The following CECR2 variants were observed in gnomAD, a reference collection of about 807,000 sequenced individuals.
CECR2 encodes CECR2 histone acetyl-lysine reader.
In CECR2, 30 loss-of-function variants were observed where a neutral mutation model predicts 154.5. That is an observed-to-expected ratio of 0.19 (90% CI 0.15 to 0.26). The LOEUF is 0.26. Ranked by LOEUF, CECR2 falls within the 10% of genes least tolerant of loss-of-function variation. CECR2 has a pLI of 1.00. For synonymous variants in CECR2, 725 were observed against 683.7 expected, an observed-to-expected ratio of 1.06 and a Z score of -0.94; for missense variants, 1,743 against 1,829.3, an observed-to-expected ratio of 0.95 and a Z score of 0.86.
At chr22:17,503,989 G>C (rs2055786740) in intron 6 of CECR2, among the ~76,000 whole-genome samples, 1 of 152,014 alleles carries the variant, frequency 6.6e-6, no homozygotes. Flanking sequence ...GGAGGCTGCA[G>C]TGAGCTGAGA....
chr22:17,486,953 A>G (rs1228414360), intron 2 of CECR2, among the ~76,000 whole-genome samples: 1 of 151,870 alleles, frequency 6.6e-6, no homozygotes, highest in East Asian at 1.9e-4. Context: ...CATGCTGTGC[A>G]AGTTCTGGGT....
intron 1 of CECR2, among the ~76,000 whole-genome samples, chr22:17,378,272 C>T (rs1395001841): frequency 6.1e-5 from 9 of 148,446 alleles, no homozygotes; most frequent in Middle Eastern, 7.0e-3. Context: ...TGTGAGCCAC[C>T]GCGCTGGGCT....
Position 17,390,756 on chromosome 22 carries a change from G to T in CECR2, c.126+20847G>T, listed in dbSNP as rs28649146. 5.7e-3 allele frequency among the ~76,000 whole-genome samples: 863 copies of T among 152,110 alleles called. 7 individuals are homozygous for T. Among genetic ancestry groups the T allele is most frequent in the Middle Eastern group, 0.02 (6 of 294 alleles). ...GTCCCAAAGTGCTTGAATGACAGGCGTGAGCCACCACTCCTGACCCAAAAC... is the reference window on the plus strand; with the variant it reads ...GTCCCAAAGTGCTTGAATGACAGGCTTGAGCCACCACTCCTGACCCAAAAC... On this transcript the variant is annotated intron_variant, in intron 1 of 18. Transcript: ENST00000262608.
At chr22:17,543,301 T>G (rs1166525947) in intron 16 of CECR2, among the ~76,000 whole-genome samples, 1 of 151,718 alleles carries the variant, frequency 6.6e-6, no homozygotes, top group African/African-American at 2.4e-5. Context: ...CCCGGCTAAT[T>G]TTTTTGGTAT....
In CECR2 at chr22:17,474,022, T is replaced by C. The variant is rs1601417085; in HGVS notation, c.127-3566T>C. ...TGGTGAGACCAGGGCTTGTATTTAC[T>C]GTGCCTTGGTTTATCCATTTGGTAC... On this transcript the variant is annotated intron_variant, in intron 1 of 18. Coordinates refer to ENST00000262608, the MANE Select transcript of CECR2 (RefSeq NM_001290047.2). Among the ~76,000 whole-genome samples the C allele has an allele frequency of 2.0e-5, 3 of 152,326 alleles. 1 individual carries two copies. In the Middle Eastern group the frequency reaches 0.01, roughly 518 times the overall value.
intron 8 of CECR2, among the ~76,000 whole-genome samples, chr22:17,521,944 G>A (rs1321033222): frequency 6.6e-6 from 1 of 152,142 alleles, no homozygotes; most frequent in East Asian, 1.9e-4. Flanking sequence ...TATAAGGAAG[G>A]GATCCAGTTT....
In CECR2 at chr22:17,398,203, TG is replaced by T. The variant is rs34625113; in HGVS notation, c.126+28303del. 8.5e-3 allele frequency among the ~76,000 whole-genome samples: 1,258 copies of T among 148,678 alleles called. 15 individuals carry two copies. The highest frequency in any genetic ancestry group is 0.027 in the African/African-American group (1,079 of 40,368). On this transcript the variant is annotated intron_variant, in intron 1 of 18. Transcript: ENST00000262608. ...TTAATTGCATTTTGGTATAACAAAG[TG>T]GGGGGGGGTATTATAAAATATAAAA...
intron 2 of CECR2, among the ~76,000 whole-genome samples, chr22:17,496,724 C>T (rs1271240502): frequency 1.3e-5 from 2 of 152,160 alleles, no homozygotes; most frequent in Admixed American, 6.5e-5. Context: ...AAGTCATGAA[C>T]CCAACTTTGT....
At position 17,552,997 on chromosome 22, in the gene CECR2, C is replaced by T; in HGVS notation, c.*157C>T. 1.4e-6 allele frequency: 2 copies of T among 1,452,288 alleles called. No homozygotes were observed. Among genetic ancestry groups the T allele is most frequent in the East Asian group, 2.5e-5 (1 of 39,678 alleles). 90.0% of individuals were successfully genotyped at this position (1,452,288 alleles called of 1,614,324 possible). ...TACTTGAGCTGGAGCCAGTCACGGG[C>T]CCTAAAAGGACACTCCTTAGATGAC... On this transcript the variant is annotated 3_prime_UTR_variant, in exon 19 of 19. Transcript: ENST00000262608.
chr22:17,422,759 G>T (rs1226143119), intron 1 of CECR2, among the ~76,000 whole-genome samples: 2 of 151,240 alleles, frequency 1.3e-5, no homozygotes, highest in Admixed American at 6.6e-5. Context: ...CTTAAGCTCA[G>T]AGATTATTCT....
intron 2 of CECR2, among the ~76,000 whole-genome samples, chr22:17,480,337 T>G (rs1302131651): frequency 2.0e-5 from 3 of 152,096 alleles, no homozygotes; most frequent in African/African-American, 7.2e-5. Flanking sequence ...ACTACTGGTG[T>G]GTTTAGCTCG....
At chr22:17,428,970 A>T (rs1037957886) in intron 1 of CECR2, among the ~76,000 whole-genome samples, 3 of 152,102 alleles carry the variant, frequency 2.0e-5, no homozygotes, top group African/African-American at 7.2e-5. Context: ...GAGATAGCTT[A>T]TAGTGGTACC....
In CECR2 at chr22:17,409,391, C is replaced by T. The variant is rs906131880; in HGVS notation, c.126+39482C>T. Among the ~76,000 whole-genome samples the T allele has an allele frequency of 1.8e-5, 2 of 110,274 alleles. 1 individual carries two copies. The highest frequency in any genetic ancestry group is 5.4e-4 in the South Asian group (2 of 3,672). 72.3% of individuals were successfully genotyped at this position (110,274 alleles called of 152,430 possible). ...CGTGATCTGCCTGCCTCCCACCACA[C>T]CCAGCTAATTTTTGTATTTTTAGTA... On this transcript the variant is annotated intron_variant, in intron 1 of 18. Coordinates refer to ENST00000262608, the MANE Select transcript of CECR2 (RefSeq NM_001290047.2).
In CECR2 at chr22:17,500,644, C is replaced by CA; in HGVS notation, c.566dup (p.Asn189LysfsTer30). 1 of 1,550,192 alleles carries CA rather than the reference C, an allele frequency of 6.5e-7. No homozygotes were observed. ...ATTATTTATTAGGGAAAGTGAAGGA[C>CA]AAAAAAATGTCTCAAGTATTCCTGG... is the stretch of plus-strand genomic sequence containing the variant. On this transcript the variant is annotated frameshift_variant, in exon 5 of 19. Transcript: ENST00000262608. LOFTEE classifies it high-confidence loss of function.
chr22:17,521,874 T>C (rs2056165363), intron 8 of CECR2, among the ~76,000 whole-genome samples: 1 of 152,266 alleles, frequency 6.6e-6, no homozygotes, highest in Non-Finnish European at 1.5e-5. Context: ...CTAGGGTTTT[T>C]ATGGTTTTAG....
At chr22:17,423,876 C>T (rs538773611) in intron 1 of CECR2, among the ~76,000 whole-genome samples, 1 of 152,186 alleles carries the variant, frequency 6.6e-6, no homozygotes, top group Non-Finnish European at 1.5e-5. Context: ...TACCTTTTTA[C>T]TTGTTAAGTC....
chr22:17,397,400 G>C (rs1284277807), intron 1 of CECR2, among the ~76,000 whole-genome samples: 1 of 152,164 alleles, frequency 6.6e-6, no homozygotes, highest in Admixed American at 6.5e-5. Flanking sequence ...CCAAAGGGCT[G>C]GGATTACAGG....
intron 1 of CECR2, among the ~76,000 whole-genome samples, chr22:17,444,556 G>C (rs2146676751): frequency 6.6e-6 from 1 of 152,176 alleles, no homozygotes; most frequent in South Asian, 2.1e-4. Flanking sequence ...GAACCCGGGA[G>C]GAGGTTGCAG....
At chr22:17,525,391 C>T (rs2056246807) in intron 9 of CECR2, among the ~76,000 whole-genome samples, 2 of 151,294 alleles carry the variant, frequency 1.3e-5, no homozygotes, top group Non-Finnish European at 2.9e-5. Context: ...CCTGTAATCC[C>T]AGCACTTTGG....
Sources: gnomAD v4.1 joint callset for allele counts (sites outside exome capture counted in the v4.1 genomes callset) on GRCh38, gnomAD v4.1.1 for gene constraint, MANE v1.5 for transcripts, NCBI Gene and HGNC (gene_info 2026-07-23, HGNC 2026-07-21) for gene names.